PDE10A: variants seen among roughly 807,000 people sequenced by gnomAD.
PDE10A encodes cAMP and cAMP-inhibited cGMP 3',5'-cyclic phosphodiesterase 10A.
In PDE10A, 39 loss-of-function variants were observed where a neutral mutation model predicts 97.7. The observed-to-expected ratio is 0.40, with a 90% CI of 0.31 to 0.52. PDE10A has a LOEUF of 0.52. Ranked by LOEUF, PDE10A falls within the 20% of genes least tolerant of loss-of-function variation. The pLI is 0.56. For synonymous variants in PDE10A, 371 were observed against 376.8 expected (o/e 0.98, Z 0.18); for missense variants, 731 against 1,047.8 (o/e 0.70, Z 4.17).
At chr6:165,452,782 T>C (rs1361248535) in intron 3 of PDE10A, among the ~76,000 whole-genome samples, 1 of 151,662 alleles carries the variant, frequency 6.6e-6, no homozygotes, top group Non-Finnish European at 1.5e-5. Context: ...TATCTAAAAA[T>C]GTGGAAGCAG....
chr6:165,851,735 A>G (rs1780578572), intron 1 of PDE10A, among the ~76,000 whole-genome samples: 1 of 152,156 alleles, frequency 6.6e-6, no homozygotes, highest in Non-Finnish European at 1.5e-5. Flanking sequence ...CAAGTGAACA[A>G]AAGCCTTGGG....
chr6:165,370,574 C>T (rs374902137), intron 18 of PDE10A, among the ~76,000 whole-genome samples: 14 of 148,754 alleles, frequency 9.4e-5, no homozygotes, highest in African/African-American at 3.0e-4. Flanking sequence ...CCCAGATTCA[C>T]AAAGCAAGTC....
chr6:165,576,733 T>A (rs1371281740), intron 1 of PDE10A, among the ~76,000 whole-genome samples: 1 of 152,180 alleles, frequency 6.6e-6, no homozygotes, highest in Non-Finnish European at 1.5e-5. Context: ...ATCCACCCTC[T>A]TCTTCAGTCC....
chr6:165,382,718 A>G (rs1785013043), intron 17 of PDE10A, among the ~76,000 whole-genome samples: 1 of 139,290 alleles, frequency 7.2e-6, no homozygotes, highest in Non-Finnish European at 1.5e-5. Context: ...TAAAACGATT[A>G]CTATTATAAT....
intron 18 of PDE10A, among the ~76,000 whole-genome samples, chr6:165,355,423 G>A (rs1406405292): frequency 6.6e-6 from 1 of 152,084 alleles, no homozygotes; most frequent in Non-Finnish European, 1.5e-5. Flanking sequence ...TTATTGTTTT[G>A]CCTGTTGTAG....
intron 1 of PDE10A, among the ~76,000 whole-genome samples, chr6:165,792,973 G>T (rs981608484): frequency 6.6e-6 from 1 of 152,144 alleles, no homozygotes. Flanking sequence ...GGGGTGGGGG[G>T]TGGCTGTTCT....
intron 1 of PDE10A, among the ~76,000 whole-genome samples, chr6:165,744,092 A>G (rs1429529323): frequency 1.3e-5 from 2 of 152,194 alleles, no homozygotes; most frequent in African/African-American, 4.8e-5. Context: ...TATTTTTTAC[A>G]ACCATTTAAA....
Position 165,433,035 on chromosome 6 carries a change from A to G in PDE10A, c.1430T>C (p.Ile477Thr). ...LPIVTAIGDL[I>T]GILELYRHWG... is the part of the protein sequence containing the mutation. ...GTGCCGATACAGCTCGAGAATACCA[A>G]TCAAGTCACCAATTGCAGTGACAAT... Residue 477 changes from isoleucine to threonine, a missense_variant, in exon 7 of 22, where the codon ATT becomes ACT. Ile to Thr is a moderately conservative substitution (Grantham distance 89). Around this residue, in one of 8 missense-constraint regions of PDE10A, gnomAD observed 152 missense variants for 199.3 expected, o/e 0.76. Coordinates refer to ENST00000539869, the MANE Select transcript of PDE10A (RefSeq NM_001385079.1). 2 of 1,613,882 alleles carry G rather than the reference A, an allele frequency of 1.2e-6. No individual in the cohort carries two copies. Among genetic ancestry groups the G allele is most frequent in the Non-Finnish European group, 1.7e-6 (2 of 1,179,804 alleles).
intron 1 of PDE10A, among the ~76,000 whole-genome samples, chr6:165,623,286 C>G (rs1402966227): frequency 3.3e-5 from 5 of 152,100 alleles, no homozygotes; most frequent in African/African-American, 1.2e-4. Context: ...CCACCATGCC[C>G]GGCTGATTTT....
At chr6:165,395,302 T>G in intron 14 of PDE10A, 38 bp from the exon 15 acceptor site, 1 of 1,356,690 alleles carries the variant, frequency 7.4e-7, no homozygotes, top group South Asian at 1.2e-5. Context: ...CTAAACGTGA[T>G]TAGAATAAAC....
intron 1 of PDE10A, among the ~76,000 whole-genome samples, chr6:165,785,260 A>G (rs1043754138): frequency 1.3e-5 from 2 of 152,200 alleles, no homozygotes; most frequent in African/African-American, 4.8e-5. Context: ...CTAATGCTTG[A>G]CATGTCCTAG....
chr6:165,888,950 A>T (rs1781704501), intron 1 of PDE10A, among the ~76,000 whole-genome samples: 1 of 152,260 alleles, frequency 6.6e-6, no homozygotes, highest in African/African-American at 2.4e-5. Context: ...AGTCAATCAG[A>T]AGTCCTGCAA....
intron 1 of PDE10A, among the ~76,000 whole-genome samples, chr6:165,574,305 T>C (rs868706337): frequency 2.6e-5 from 4 of 151,996 alleles, no homozygotes; most frequent in Non-Finnish European, 5.9e-5. Context: ...GTGCCTCTTA[T>C]ATTAGCTCTA....
At chr6:165,823,584 A>G (rs1779644321) in intron 1 of PDE10A, among the ~76,000 whole-genome samples, 1 of 125,554 alleles carries the variant, frequency 8.0e-6, no homozygotes, top group Non-Finnish European at 1.8e-5. Flanking sequence ...TAAATATTCA[A>G]TATATATAAA....
chr6:165,678,153 C>CTGTGTGTGTCTGTGTG (rs1790861380), intron 1 of PDE10A, among the ~76,000 whole-genome samples: 1 of 2,734 alleles, frequency 3.7e-4, no homozygotes, highest in Non-Finnish European at 8.3e-4. Flanking sequence ...ATGTGTGTGT[C>CTGTGTGTGTCTGTGTG]TCTCTGTGTG....
At chr6:165,458,996 G>A (rs942475667) in intron 3 of PDE10A, among the ~76,000 whole-genome samples, 2 of 59,800 alleles carry the variant, frequency 3.3e-5, no homozygotes, top group Non-Finnish European at 6.8e-5. Flanking sequence ...ATCTTTCAAC[G>A]TACAACAGTT....
At chr6:165,919,542 C>A (rs1344030288) in intron 1 of PDE10A, among the ~76,000 whole-genome samples, 2 of 152,242 alleles carry the variant, frequency 1.3e-5, no homozygotes, top group African/African-American at 2.4e-5. Flanking sequence ...TTACAAGGCA[C>A]ATAAAGTCTC....
intron 1 of PDE10A, among the ~76,000 whole-genome samples, chr6:165,751,008 T>A (rs1181714145): frequency 1.3e-5 from 2 of 152,084 alleles, no homozygotes; most frequent in African/African-American, 4.8e-5. Context: ...CCAAGCCTTG[T>A]AGGGGTTCAA....
At chr6:165,645,853 C>CAAAAAAAAAAAAAAAAAA (rs57923490) in intron 1 of PDE10A, among the ~76,000 whole-genome samples, 3 of 101,228 alleles carry the variant, frequency 3.0e-5, no homozygotes, top group African/African-American at 7.0e-5. Context: ...GACTCCATCT[C>CAAAAAAAAAAAAAAAAAA]AAAAAAAAAA....
Sources: gnomAD v4.1 joint callset for allele counts (sites outside exome capture counted in the v4.1 genomes callset) on GRCh38, gnomAD v4.1.1 for gene constraint, gnomAD v4.1.1 regional missense constraint, MANE v1.5 for transcripts, NCBI Gene and HGNC (gene_info 2026-07-23, HGNC 2026-07-21) for gene names.